Variants in PRPSAP2 observed in about 807,000 individuals in gnomAD.
The protein encoded by PRPSAP2 is phosphoribosyl pyrophosphate synthase-associated protein 2.
Under a neutral mutation model 40.6 loss-of-function variants are expected in PRPSAP2, and 24 were observed. That is an observed-to-expected ratio of 0.59 (90% CI 0.43 to 0.83). The LOEUF (loss-of-function observed/expected upper bound fraction) is 0.83. Ranked by LOEUF, PRPSAP2 falls within the 40% of genes least tolerant of loss-of-function variation. The pLI is 0.00. For synonymous variants in PRPSAP2, 149 were observed against 164.7 expected (o/e 0.90, Z 0.73); for missense variants, 292 against 465.6 (o/e 0.63, Z 3.43).
At chr17:18,874,392 A>G (rs1808041393) in intron 5 of PRPSAP2, among the ~76,000 whole-genome samples, 1 of 152,234 alleles carries the variant, frequency 6.6e-6, no homozygotes, top group African/African-American at 2.4e-5. Flanking sequence ...ATACATATAT[A>G]AAACCAACGA....
chr17:18,926,091 C>G (rs1392009691), intron 10 of PRPSAP2, among the ~76,000 whole-genome samples: 2 of 151,580 alleles, frequency 1.3e-5, no homozygotes, highest in Non-Finnish European at 2.9e-5. Flanking sequence ...GAGCAAGACT[C>G]TGTCTCAAAA....
At chr17:18,886,942 T>TTTTTTC (rs2039197027) in intron 7 of PRPSAP2, among the ~76,000 whole-genome samples, 3 of 139,474 alleles carry the variant, frequency 2.2e-5, no homozygotes, top group Admixed American at 7.2e-5. Context: ...TTTTTTTTTT[T>TTTTTTC]TTTTTTTTTT....
At chr17:18,892,745 A>ATTTATTTATTTTT (rs57347460) in intron 8 of PRPSAP2, among the ~76,000 whole-genome samples, 14 of 125,768 alleles carry the variant, frequency 1.1e-4, no homozygotes, top group Middle Eastern at 3.8e-3. Context: ...TTATTTATTT[A>ATTTATTTATTTTT]TTTTTTTGAG....
chr17:18,904,519 T>G (rs924081384), intron 8 of PRPSAP2: 2 of 152,236 alleles, frequency 1.3e-5, no homozygotes, highest in Non-Finnish European at 2.9e-5. Flanking sequence ...CCTCCCAAAG[T>G]GTTGGGATAA....
At chr17:18,928,285 A>C (rs866234985) in intron 10 of PRPSAP2, 1 of 165,796 alleles carries the variant, frequency 6.0e-6, no homozygotes, top group South Asian at 1.5e-4. Context: ...TAAAAACAAT[A>C]ATCATTATTA....
intron 1 of PRPSAP2, chr17:18,861,601 T>G (rs867107098): frequency 2.0e-5 from 3 of 152,134 alleles, no homozygotes; most frequent in African/African-American, 7.2e-5. Context: ...CACCATGTCA[T>G]TTTGAGGGTG....
chr17:18,923,795 G>T, intron 9 of PRPSAP2, 119 bp from the exon 10 acceptor site: 1 of 938,696 alleles, frequency 1.1e-6, no homozygotes, highest in Non-Finnish European at 1.6e-6. Flanking sequence ...ATCAGATTGA[G>T]GAAATTCCCT....
chr17:18,878,937 TCGGCTCAC>T (rs1268528306), intron 6 of PRPSAP2, among the ~76,000 whole-genome samples: 1 of 152,114 alleles, frequency 6.6e-6, no homozygotes, highest in Non-Finnish European at 1.5e-5. Flanking sequence ...TGGTGGCACC[TCGGCTCAC>T]TGCAACCACT....
At chr17:18,857,595 A>T (rs973701143), upstream of PRPSAP2, among the ~76,000 whole-genome samples, 902 of 88,084 alleles carry the variant, frequency 0.01, 15 homozygotes, top group African/African-American at 0.03. Flanking sequence ...TTTTTTTTGT[A>T]TTTTTAGTAG....
chr17:18,861,516 A>C (rs2037017590), intron 1 of PRPSAP2: 1 of 152,184 alleles, frequency 6.6e-6, no homozygotes, highest in South Asian at 2.1e-4. Context: ...ATGTTTGAAT[A>C]ACTTGTGAAG....
intron 9 of PRPSAP2, among the ~76,000 whole-genome samples, chr17:18,914,423 AT>A (rs35469900): frequency 2.1e-3 from 290 of 134,996 alleles, no homozygotes; most frequent in Middle Eastern, 7.6e-3. Flanking sequence ...GGCCTGGCTA[AT>A]TTTTTTTTTT....
intron 4 of PRPSAP2, among the ~76,000 whole-genome samples, chr17:18,871,817 C>T (rs887099283): frequency 2.6e-5 from 4 of 152,168 alleles, no homozygotes; most frequent in East Asian, 1.9e-4. Flanking sequence ...TGCACCACCA[C>T]GCCTGGCTAA....
At chr17:18,890,044 A>T (rs1414894858) in intron 8 of PRPSAP2, among the ~76,000 whole-genome samples, 167 bp downstream of exon 8, 2 of 152,100 alleles carry the variant, frequency 1.3e-5, no homozygotes, top group Non-Finnish European at 2.9e-5. Context: ...TTTATTAAGT[A>T]AACATTTTAA....
At chr17:18,878,149 C>T (rs1047654541) in intron 6 of PRPSAP2, among the ~76,000 whole-genome samples, 1 of 152,168 alleles carries the variant, frequency 6.6e-6, no homozygotes, top group Non-Finnish European at 1.5e-5. Flanking sequence ...CTGCTGGCCT[C>T]AAGGGATGTT....
intron 1 of PRPSAP2, among the ~76,000 whole-genome samples, chr17:18,860,050 CAT>C (rs1329172518): frequency 1.3e-5 from 2 of 150,020 alleles, no homozygotes; most frequent in East Asian, 2.0e-4. Context: ...ATCCAATAAA[CAT>C]AAATTTTTAT....
At chr17:18,922,044 C>T (rs1416506763) in intron 9 of PRPSAP2, among the ~76,000 whole-genome samples, 1 of 152,152 alleles carries the variant, frequency 6.6e-6, no homozygotes. Context: ...GGATGTTTGC[C>T]TAATCTGGAC....
intron 8 of PRPSAP2, among the ~76,000 whole-genome samples, chr17:18,891,749 T>A (rs2039554710): frequency 1.3e-5 from 2 of 152,220 alleles, no homozygotes; most frequent in African/African-American, 4.8e-5. Context: ...CCCTTCACCT[T>A]CTGTCCCTCG....
intron 9 of PRPSAP2, among the ~76,000 whole-genome samples, chr17:18,918,512 C>T (rs2469862): frequency 0.89 from 135,926 of 152,262 alleles, 61,214 homozygotes; most frequent in Non-Finnish European, 0.94. Flanking sequence ...GCAGTATCTG[C>T]GGGGAGCCAA....
At chr17:18,875,569 TA>T (rs111730282) in intron 5 of PRPSAP2, among the ~76,000 whole-genome samples, 220 of 129,436 alleles carry the variant, frequency 1.7e-3, no homozygotes, top group Middle Eastern at 4.5e-3. Context: ...CATCTCGAAG[TA>T]AAAAAAAAAA....
Sources: allele counts gnomAD v4.1 joint callset (sites outside exome capture counted in the v4.1 genomes callset), GRCh38; gene constraint gnomAD v4.1.1; transcripts MANE v1.5; gene names NCBI Gene and HGNC (gene_info 2026-07-23, HGNC 2026-07-21).